Variants in RPL9 observed in about 807,000 individuals in gnomAD.
RPL9 encodes the protein ribosomal protein L9, also known as large ribosomal subunit protein uL6.
For missense variants in RPL9, 149 were observed against 236.7 expected, an observed-to-expected ratio of 0.63 and a Z score of 2.43; for synonymous variants, 82 against 77.1, an observed-to-expected ratio of 1.06 and a Z score of -0.33.
chr4:39,457,844 C>T lies in RPL9; in HGVS notation c.163-163G>A, dbSNP rs1744173381. On this transcript the variant is annotated intron_variant, in intron 3 of 7. Coordinates refer to ENST00000295955, the MANE Select transcript of RPL9 (RefSeq NM_000661.5). The stretch of plus-strand genomic sequence containing the variant: ...CCTATAAAACCTCCCAACAGTTAAG[C>T]TTTGTAGAAGTTGCAACAAACTTCC... 3.0e-5 allele frequency: 20 copies of T among 664,698 alleles called. 1 individual carries two copies. The South Asian group carries it at 3.7e-4, about 12-fold the overall frequency. The allele number at this position is 664,698 out of a possible 1,614,324, so 41.2% of individuals were successfully genotyped here.
In RPL9 at chr4:39,454,665, T is replaced by C. The variant is rs765947983; in HGVS notation, c.473-16A>G. The C allele has an allele frequency of 5.6e-6, 9 of 1,601,076 alleles. No homozygotes were observed. Among genetic ancestry groups the C allele is most frequent in the Non-Finnish European group, 6.8e-6 (8 of 1,171,224 alleles). On this transcript the variant is annotated splice_polypyrimidine_tract_variant and intron_variant, in intron 6 of 7. Coordinates refer to ENST00000295955, the MANE Select transcript of RPL9 (RefSeq NM_000661.5). ...ATCAAAGCCGCTATAGGAGTGAAGA[T>C]AAAGCAATTAATACATCAGCCTAAC...
chr4:39,458,170 A>T (rs1744194848), intron 3 of RPL9, 24 bp downstream of exon 3: 1 of 1,611,472 alleles, frequency 6.2e-7, no homozygotes, highest in East Asian at 2.2e-5. Context: ...CGAGCAACTG[A>T]ATTATCAGAA....
chr4:39,457,656 T>C lies in RPL9; in HGVS notation c.188A>G (p.Asn63Ser). 6.2e-7 allele frequency: 1 copy of C among 1,614,110 alleles called. No individual in the cohort carries two copies. The highest frequency in any genetic ancestry group is 1.3e-5 in the African/African-American group (1 of 75,024). ...CCGAACGGTAGCCAGTTCCTTTCTG[T>C]TACCCCACCATTTGTCAACCCGGAG... ...KRLRVDKWWG[N>S]RKELATVRTI... The change falls in exon 4 of 8, where the codon AAC becomes AGC. Residue 63 changes from asparagine (N) to serine (S), a missense_variant. Physicochemically the swap from Asn to Ser is conservative, Grantham distance 46. Transcript: ENST00000295955.
chr4:39,456,544 TTAAA>T lies in RPL9; in HGVS notation c.259-10_259-7del, dbSNP rs142648868. 0.044 allele frequency: 70,395 copies of T among 1,612,962 alleles called. 1,916 individuals carry two copies. Among genetic ancestry groups the T allele is most frequent in the Non-Finnish European group, 0.053 (62,472 of 1,179,224 alleles). On this transcript the variant is annotated splice_region_variant and splice_polypyrimidine_tract_variant and intron_variant, in intron 4 of 7. Coordinates refer to ENST00000295955, the MANE Select transcript of RPL9 (RefSeq NM_000661.5). Reference sequence around the variant, plus strand: ...CTCATCTTGTAACGGAAGCCCTATGTTAAATAAATAAGCAAGCTATTAGCAATGC... The same window carrying T: ...CTCATCTTGTAACGGAAGCCCTATGTTAAATAAGCAAGCTATTAGCAATGC...
At chr4:39,454,839 A>G (rs1442382021) in intron 6 of RPL9, 25 bp downstream of exon 6, 4 of 1,604,702 alleles carry the variant, frequency 2.5e-6, no homozygotes, top group Non-Finnish European at 3.4e-6. Flanking sequence ...TTGTAGGCAT[A>G]GTTAGACATA....
chr4:39,456,166 C>T (rs991863260), intron 5 of RPL9: 1 of 519,446 alleles, frequency 1.9e-6, no homozygotes. Flanking sequence ...TAAATACAAC[C>T]ACCACTGCAA....
Position 39,458,601 on chromosome 4 carries a change from G to A in RPL9, c.-1-161C>T, listed in dbSNP as rs1238091831. ...AGCGGGCCCCAGTGTGTCCCAGCCT[G>A]GAAGGAGCAGCCCCAAAGCGAGAAT... On this transcript the variant is annotated intron_variant, in intron 1 of 7. Coordinates refer to ENST00000295955, the MANE Select transcript of RPL9 (RefSeq NM_000661.5). The A allele has an allele frequency of 1.4e-5, 10 of 698,216 alleles. No individual in the cohort carries two copies. In the South Asian group the frequency reaches 1.6e-4, roughly 11 times the overall value. The allele number at this position is 698,216 out of a possible 1,614,324, so 43.3% of individuals were successfully genotyped here.
At chr4:39,457,511 A>T in intron 4 of RPL9, 75 bp downstream of exon 4, 1 of 1,217,180 alleles carries the variant, frequency 8.2e-7, no homozygotes, top group South Asian at 1.2e-5. Context: ...TCTGAAAGAG[A>T]CACTTACGCT....
chr4:39,455,980 T>G (rs1744071072), intron 5 of RPL9: 1 of 227,942 alleles, frequency 4.4e-6, no homozygotes, highest in Admixed American at 5.3e-5. Flanking sequence ...TCTTTAGATT[T>G]TAAAGGTTCT....
At chr4:39,456,367 G>A (rs547948017) in intron 5 of RPL9, 39 bp downstream of exon 5, 2 of 1,613,016 alleles carry the variant, frequency 1.2e-6, no homozygotes, top group African/African-American at 1.3e-5. Flanking sequence ...AAAATATGAA[G>A]GAAAAATTTC....
chr4:39,455,028 A>T (rs963360932), intron 5 of RPL9, 84 bp from the exon 6 acceptor site: 11 of 1,324,468 alleles, frequency 8.3e-6, no homozygotes, highest in Admixed American at 6.6e-5. Context: ...ATTCCATGTA[A>T]AACTCCATGC....
chr4:39,454,740 A>G, intron 6 of RPL9, 91 bp from the exon 7 acceptor site: 1 of 1,448,948 alleles, frequency 6.9e-7, no homozygotes, highest in Non-Finnish European at 9.4e-7. Context: ...AAAATTTCAG[A>G]ATGTGACCTT....
rs561810668 is a variant in RPL9 at position 39,454,655 on chromosome 4, G to A, written c.473-6C>T. 2 of 1,609,308 alleles carry A rather than the reference G, an allele frequency of 1.2e-6. No homozygotes were observed. Among genetic ancestry groups the A allele is most frequent in the South Asian group, 1.1e-5 (1 of 90,436 alleles). The stretch of plus-strand genomic sequence containing the variant: ...GGCTTGCTGAATCAAAGCCGCTATA[G>A]GAGTGAAGATAAAGCAATTAATACA... On this transcript the variant is annotated splice_polypyrimidine_tract_variant and splice_region_variant and intron_variant, in intron 6 of 7. Transcript: ENST00000295955.
At position 39,454,653 on chromosome 4, in the gene RPL9, T is replaced by C. The variant is rs542826864; in HGVS notation, c.473-4A>G. The C allele has an allele frequency of 5.6e-6, 9 of 1,609,954 alleles. No individual in the cohort carries two copies. The South Asian group carries it at 8.8e-5, about 16-fold the overall frequency. ...GTGGCTTGCTGAATCAAAGCCGCTATAGGAGTGAAGATAAAGCAATTAATA... is the reference window on the plus strand; with the variant it reads ...GTGGCTTGCTGAATCAAAGCCGCTACAGGAGTGAAGATAAAGCAATTAATA... On this transcript the variant is annotated splice_polypyrimidine_tract_variant and splice_region_variant and intron_variant, in intron 6 of 7. Coordinates refer to ENST00000295955, the MANE Select transcript of RPL9 (RefSeq NM_000661.5).
At chr4:39,458,588 T>G (rs1744235303) in intron 1 of RPL9, 148 bp from the exon 2 acceptor site, 1 of 779,982 alleles carries the variant, frequency 1.3e-6, no homozygotes, top group African/African-American at 1.7e-5. Flanking sequence ...CGGGCCCCAG[T>G]GTGTCCCAGC....
In RPL9 at chr4:39,454,223, T is replaced by TA. The variant is rs139037922; in HGVS notation, c.*12dup. 7,329 of 188,298 alleles carry TA rather than the reference T, an allele frequency of 0.039. 176 individuals are homozygous for TA. The highest frequency in any genetic ancestry group is 0.077 in the South Asian group (579 of 7,492). The allele number at this position is 188,298 out of a possible 1,614,324, so 11.7% of individuals were successfully genotyped here. On this transcript the variant is annotated splice_region_variant and 3_prime_UTR_variant, in exon 8 of 8. Coordinates refer to ENST00000295955, the MANE Select transcript of RPL9 (RefSeq NM_000661.5). ...CTGGCATCTTCTTTCTGTAGCCAGG[T>TA]AACTGTAAAAAAAGAAAAAAAATCT...
Position 39,458,431 on chromosome 4 carries a change from A to T in RPL9, c.9T>A (p.Thr3=). The T allele has an allele frequency of 6.2e-7, 1 of 1,614,250 alleles. No homozygotes were observed. Among genetic ancestry groups the T allele is most frequent in the Middle Eastern group, 1.6e-4 (1 of 6,062 alleles). ...TGTCGACAGTCTGATTGCTGAGAATAGTCTTCATTCTGAAACACAAACACT... is the reference window on the plus strand; with the variant it reads ...TGTCGACAGTCTGATTGCTGAGAATTGTCTTCATTCTGAAACACAAACACT... The part of the protein sequence containing the change: MK[T]ILSNQTVDIP... Residue 3 remains threonine, a synonymous_variant, in exon 2 of 8, where the codon ACT becomes ACA. Coordinates refer to ENST00000295955, the MANE Select transcript of RPL9 (RefSeq NM_000661.5).
chr4:39,458,919 G>C lies in RPL9; in HGVS notation c.-30C>G, dbSNP rs116433592. The C allele has an allele frequency of 1.4e-6, 1 of 714,708 alleles. No individual in the cohort carries two copies. Among genetic ancestry groups the C allele is most frequent in the Non-Finnish European group, 2.5e-6 (1 of 393,446 alleles). The allele number at this position is 714,708 out of a possible 1,614,324, so 44.3% of individuals were successfully genotyped here. On this transcript the variant is annotated 5_prime_UTR_variant, in exon 1 of 8. Coordinates refer to ENST00000295955, the MANE Select transcript of RPL9 (RefSeq NM_000661.5). ...GCAGTAGACGCAGCAAAGAAAGAAC[G>C]TCTGTCGTCATTACGTACTTGTATC...
chr4:39,454,546 T>C lies in RPL9; in HGVS notation c.576A>G (p.Glu192=), dbSNP rs1420953936. ...SEKGTVQQAD[E] is the part of the protein sequence containing the mutation. Reference sequence around the variant, plus strand: ...GTAAGAACTTACCTCTTAGATCTTATTCATCAGCCTGCTGAACAGTTCCTT... The same window carrying C: ...GTAAGAACTTACCTCTTAGATCTTACTCATCAGCCTGCTGAACAGTTCCTT... The change falls in exon 7 of 8, where the codon GAA becomes GAG. Residue 192 remains glutamate (E), a synonymous_variant. Coordinates refer to ENST00000295955, the MANE Select transcript of RPL9 (RefSeq NM_000661.5). The C allele has an allele frequency of 2.5e-6, 4 of 1,608,054 alleles. No homozygotes were observed. The highest frequency in any genetic ancestry group is 2.2e-5 in the East Asian group (1 of 44,766).
Sources: gnomAD v4.1 joint callset for allele counts on GRCh38, gnomAD v4.1.1 for gene constraint, MANE v1.5 for transcripts, NCBI Gene and HGNC (gene_info 2026-07-23, HGNC 2026-07-21) for gene names.